The following ASH1L variants were observed in gnomAD, a reference collection of about 807,000 sequenced individuals.
ASH1L encodes the protein histone-lysine N-methyltransferase ASH1L.
A neutral mutation model predicts 269.0 loss-of-function variants in ASH1L; 23 were observed. The observed-to-expected ratio is 0.09, with a 90% CI of 0.06 to 0.12. The LOEUF is 0.12. ASH1L is among the 10% of genes least tolerant of loss of function. The pLI is 1.00. For synonymous variants in ASH1L, 1,187 were observed against 1,253.5 expected (o/e 0.95, Z 1.12); for missense variants, 2,912 against 3,567.8 (o/e 0.82, Z 4.68).
In ASH1L at chr1:155,481,989, T is replaced by C; in HGVS notation, c.881A>G (p.Asn294Ser). ...TKDPGKKPVFNAAVGLVNKDS... is the reference protein window; with the variant it reads ...TKDPGKKPVFSAAVGLVNKDS... Reference sequence around the variant, plus strand: ...CTTATTGACCAATCCTACTGCTGCATTAAACACTGGCTTTTTCCCAGGATC... The same window carrying C: ...CTTATTGACCAATCCTACTGCTGCACTAAACACTGGCTTTTTCCCAGGATC... The change falls in exon 3 of 28, where the codon AAT (asparagine) becomes AGT (serine). Residue 294 changes from asparagine (N) to serine (S), a missense_variant. Asn to Ser is a conservative substitution (Grantham distance 46). This residue lies in a region of ASH1L where 277 missense variants were observed against 367.7 expected (regional missense o/e 0.75). Transcript: ENST00000392403. The C allele has an allele frequency of 6.2e-7, 1 of 1,614,154 alleles. No individual in the cohort carries two copies. Among genetic ancestry groups the C allele is most frequent in the South Asian group, 1.1e-5 (1 of 91,076 alleles).
rs1324602498 is a variant in ASH1L, at chr1:155,478,172, T to C, written c.4698A>G (p.Pro1566=). The C allele has an allele frequency of 2.5e-6, 4 of 1,614,024 alleles. No homozygotes were observed. In the South Asian group the frequency reaches 3.3e-5, roughly 13 times the overall value. ...WVHREPSESS[P]LALGLQTPLQ... is the part of the protein sequence containing the mutation. ...AAGGTGTCTGCAATCCCAAGGCCAA[T>C]GGACTAGATTCTGAAGGCTCTCGGT... The change falls in exon 3 of 28, where the codon CCA becomes CCG. Residue 1566 remains proline (P), a synonymous_variant. Transcript: ENST00000392403. The surrounding 1 kb of genome is among the most constrained non-coding windows in gnomAD (Gnocchi z 4.6).
At position 155,439,395 on chromosome 1, in the gene ASH1L, G is replaced by C. The variant is rs1662360542; in HGVS notation, c.5087-327C>G. ...ATAAATTAAGGTCCAGTTAAGCTAA[G>C]GGACTTAAATGTTGGATAAAGAGTG... On this transcript the variant is annotated intron_variant, in intron 4 of 27. Coordinates refer to ENST00000392403, the MANE Select transcript of ASH1L (RefSeq NM_018489.3). Among the ~76,000 whole-genome samples, 3 of 152,118 alleles carry C rather than the reference G, an allele frequency of 2.0e-5. No individual in the cohort carries two copies. In the South Asian group the frequency reaches 6.2e-4, roughly 32 times the overall value.
chr1:155,457,318 A>G (rs1663933030), intron 4 of ASH1L, among the ~76,000 whole-genome samples: 1 of 152,196 alleles, frequency 6.6e-6, no homozygotes, highest in African/African-American at 2.4e-5. Context: ...CATACCATAT[A>G]TGATATAGTC....
At chr1:155,488,550 T>C (rs1249305048) in intron 2 of ASH1L, among the ~76,000 whole-genome samples, 1 of 146,404 alleles carries the variant, frequency 6.8e-6, no homozygotes, top group East Asian at 2.0e-4. Flanking sequence ...ATGCCTGTGG[T>C]CCCAGCTACT....
At chr1:155,452,803 C>T (rs1558122602) in intron 4 of ASH1L, among the ~76,000 whole-genome samples, 1 of 152,128 alleles carries the variant, frequency 6.6e-6, no homozygotes, top group African/African-American at 2.4e-5. Context: ...GTGATCTACC[C>T]GCCTTGGTCT....
At chr1:155,439,199 G>A (rs1216673011) in intron 4 of ASH1L, 131 bp from the exon 5 acceptor site, 7 of 973,372 alleles carry the variant, frequency 7.2e-6, no homozygotes, top group Middle Eastern at 2.4e-4. Context: ...GTAAATTGAT[G>A]GTTTACTTTC....
chr1:155,444,164 T>C (rs1045131739), intron 4 of ASH1L, among the ~76,000 whole-genome samples: 4 of 151,970 alleles, frequency 2.6e-5, no homozygotes, highest in Non-Finnish European at 5.9e-5. Flanking sequence ...TTGTTTTTAG[T>C]AGAGATAGAA....
At chr1:155,414,168 C>T (rs1571146933) in intron 6 of ASH1L, among the ~76,000 whole-genome samples, 5 of 152,212 alleles carry the variant, frequency 3.3e-5, no homozygotes, top group Admixed American at 3.3e-4. Flanking sequence ...TTGACAGAAA[C>T]TGTGAGGTGA....
chr1:155,450,438 GATATTGT>G (rs2148653679), intron 4 of ASH1L, among the ~76,000 whole-genome samples: 1 of 152,252 alleles, frequency 6.6e-6, no homozygotes, highest in East Asian at 1.9e-4. Flanking sequence ...TAGCCCTCTT[GATATTGT>G]ACCACAGGTC....
intron 2 of ASH1L, among the ~76,000 whole-genome samples, chr1:155,514,882 C>A (rs1026134861): frequency 3.3e-5 from 5 of 151,938 alleles, no homozygotes; most frequent in African/African-American, 1.2e-4. Flanking sequence ...TACAGTCATT[C>A]GGCATTTTAC....
chr1:155,492,980 T>G (rs958726965), intron 2 of ASH1L, among the ~76,000 whole-genome samples: 3 of 152,128 alleles, frequency 2.0e-5, no homozygotes, highest in African/African-American at 7.2e-5. Flanking sequence ...TGCAACACCA[T>G]GCCTGGCTAA....
chr1:155,335,605 T>C lies in ASH1L; in HGVS notation c.*2055A>G, dbSNP rs1350039107. On this transcript the variant is annotated 3_prime_UTR_variant, in exon 28 of 28. Coordinates refer to ENST00000392403, the MANE Select transcript of ASH1L (RefSeq NM_018489.3). ...ATAACTGAAAAATAAAAAAAGGCAT[T>C]AATTTCTACACCAGTAAGAAAAAAC... 6.5e-6 allele frequency: 1 copy of C among 152,726 alleles called. No individual in the cohort carries two copies. The highest frequency in any genetic ancestry group is 2.4e-5 in the African/African-American group (1 of 41,444). 9.5% of individuals were successfully genotyped at this position (152,726 alleles called of 1,614,324 possible).
intron 3 of ASH1L, among the ~76,000 whole-genome samples, chr1:155,463,905 T>C (rs958270757): frequency 2.0e-5 from 3 of 152,082 alleles, no homozygotes; most frequent in Non-Finnish European, 4.4e-5. Context: ...TGAATCCAAT[T>C]AAGAAGTACT....
chr1:155,528,083 C>G (rs565980626), intron 1 of ASH1L, among the ~76,000 whole-genome samples: 1 of 152,256 alleles, frequency 6.6e-6, no homozygotes, highest in East Asian at 1.9e-4. Flanking sequence ...GCTGAGACCT[C>G]TTTCTGGAAC....
Position 155,356,599 on chromosome 1 carries a change from C to T in ASH1L, c.7055+717G>A, listed in dbSNP as rs1402393891. The stretch of plus-strand genomic sequence containing the variant: ...GCAGTGAGCCGAGATTGCACCACTG[C>T]ACTACTGCACTCCAGCCTGGGCGAC... On this transcript the variant is annotated intron_variant, in intron 15 of 27. Transcript: ENST00000392403. Among the ~76,000 whole-genome samples, 6 of 148,808 alleles carry T rather than the reference C, an allele frequency of 4.0e-5. No homozygotes were observed. The South Asian group carries it at 1.3e-3, about 32-fold the overall frequency.
chr1:155,449,225 C>A (rs1387470274), intron 4 of ASH1L, among the ~76,000 whole-genome samples: 1 of 152,188 alleles, frequency 6.6e-6, no homozygotes, highest in African/African-American at 2.4e-5. Flanking sequence ...TGAGCCACCA[C>A]GCCCGGCCCT....
Position 155,352,714 on chromosome 1 carries a change from G to A in ASH1L, c.7358C>T (p.Ser2453Phe). 1 of 1,602,896 alleles carries A rather than the reference G, an allele frequency of 6.2e-7. No individual in the cohort carries two copies. The highest frequency in any genetic ancestry group is 8.5e-7 in the Non-Finnish European group (1 of 1,177,070). ...AAGGTGGTTATAGTCACCTTTATAA[G>A]AGATGATACCATCACAAATTTCTTT... ...IFKEICDGII[S>F]YKDSSRQALA... The change falls in exon 17 of 28, where the codon TCT (serine) becomes TTT (phenylalanine). Residue 2453 changes from serine (S) to phenylalanine (F), a missense_variant. By Grantham distance (155) the Ser-to-Phe change is radical (BLOSUM62 -2). This residue lies in a region of ASH1L where 309 missense variants were observed against 435.1 expected (regional missense o/e 0.71). Transcript: ENST00000392403.
chr1:155,479,012 G>C lies in ASH1L; in HGVS notation c.3858C>G (p.Asp1286Glu), dbSNP rs1232270481. The C allele has an allele frequency of 3.1e-6, 5 of 1,613,732 alleles. No homozygotes were observed. Among genetic ancestry groups the C allele is most frequent in the Non-Finnish European group, 3.4e-6 (4 of 1,180,012 alleles). ...YPQLRNRQDP[D>E]FIAELEELIS... is the part of the protein sequence containing the mutation. ...TTAGTTCCTCCAGCTCTGCAATAAA[G>C]TCTGGATCCTGTCTATTTCGAAGCT... is the stretch of plus-strand genomic sequence containing the variant. Residue 1286 changes from aspartate to glutamate, a missense_variant, in exon 3 of 28, where the codon GAC becomes GAG. Coordinates refer to ENST00000392403, the MANE Select transcript of ASH1L (RefSeq NM_018489.3).
intron 1 of ASH1L, among the ~76,000 whole-genome samples, chr1:155,523,378 C>T (rs1166906878): frequency 6.6e-6 from 1 of 152,104 alleles, no homozygotes; most frequent in Admixed American, 6.6e-5. Context: ...CCTGTAGTCC[C>T]AGCTCTCAGG....
Sources: gnomAD v4.1 joint callset for allele counts (sites outside exome capture counted in the v4.1 genomes callset) on GRCh38, gnomAD v4.1.1 for gene constraint, gnomAD v4.1.1 regional missense constraint, Gnocchi (gnomAD v3.1) non-coding constraint, MANE v1.5 for transcripts, NCBI Gene and HGNC (gene_info 2026-07-23, HGNC 2026-07-21) for gene names.